NARS2: variants seen among roughly 807,000 people sequenced by gnomAD.
NARS2 encodes the protein asparaginyl-tRNA synthetase 2, mitochondrial.
NARS2 carries 60 observed loss-of-function variants against 62.9 expected under a neutral mutation model. The observed-to-expected ratio is 0.95, with a 90% confidence interval of 0.77 to 1.18. The LOEUF is 1.18. NARS2 is among the 50% of genes most tolerant of loss of function. The pLI, the probability that NARS2 is intolerant of heterozygous loss-of-function variation, is 0.00. For missense variants in NARS2, 619 were observed against 576.4 expected, an observed-to-expected ratio of 1.07 and a Z score of -0.76; for synonymous variants, 196 against 200.0, an observed-to-expected ratio of 0.98 and a Z score of 0.17.
At chr11:78,529,693 T>C (rs918469000) in intron 5 of NARS2, among the ~76,000 whole-genome samples, 10 of 152,312 alleles carry the variant, frequency 6.6e-5, no homozygotes, top group Admixed American at 2.0e-4. Context: ...AAAGTTACAC[T>C]TGTTTTTGTT....
chr11:78,566,058 G>A (rs1238446128), intron 4 of NARS2, 74 bp downstream of exon 4: 1 of 1,266,908 alleles, frequency 7.9e-7, no homozygotes, highest in Non-Finnish European at 1.1e-6. Flanking sequence ...AACATCAGGA[G>A]AAAAAGACAC....
chr11:78,506,198 T>A (rs976065380), intron 6 of NARS2, among the ~76,000 whole-genome samples: 1 of 152,182 alleles, frequency 6.6e-6, no homozygotes, highest in Non-Finnish European at 1.5e-5. Context: ...TACGACATCA[T>A]CTTTTGTCAA....
chr11:78,561,757 G>A (rs1320727207), intron 4 of NARS2, among the ~76,000 whole-genome samples: 1 of 152,156 alleles, frequency 6.6e-6, no homozygotes, highest in Non-Finnish European at 1.5e-5. Context: ...AGCAAGAACA[G>A]ATTTTAAAAT....
intron 13 of NARS2, among the ~76,000 whole-genome samples, chr11:78,440,536 AT>A (rs146475944): frequency 0.083 from 12,079 of 145,688 alleles, 605 homozygotes; most frequent in Non-Finnish European, 0.12. Flanking sequence ...ACATAATATA[AT>A]TTTTTTTTTT....
At position 78,443,310 on chromosome 11, in the gene NARS2, C is replaced by G. The variant is rs369788462; in HGVS notation, c.1262+351G>C. On this transcript the variant is annotated intron_variant, in intron 12 of 13. Coordinates refer to ENST00000281038, the MANE Select transcript of NARS2 (RefSeq NM_024678.6). ...CCACTGCACTCCAGCCTGGGCAACA[C>G]AGCAAGACTCCGTCTCAAAAAAAAA... Among the ~76,000 whole-genome samples the G allele has an allele frequency of 5.3e-3, 706 of 133,574 alleles. 3 individuals are homozygous for G. Among genetic ancestry groups the G allele is most frequent in the African/African-American group, 0.02 (682 of 33,566 alleles). The allele number at this position is 133,574 out of a possible 152,430, so 87.6% of individuals were successfully genotyped here. A position where few individuals can be genotyped will look rare whatever the true frequency, so the allele number is the denominator to read the frequency against.
intron 4 of NARS2, among the ~76,000 whole-genome samples, chr11:78,561,887 C>G (rs1856568511): frequency 6.6e-6 from 1 of 151,964 alleles, no homozygotes; most frequent in Non-Finnish European, 1.5e-5. Flanking sequence ...TGGTAAAACC[C>G]AGTTTCTACT....
At chr11:78,540,882 CT>C (rs577163746) in intron 5 of NARS2, among the ~76,000 whole-genome samples, 1 of 152,214 alleles carries the variant, frequency 6.6e-6, no homozygotes, top group Non-Finnish European at 1.5e-5. Context: ...TTAGATAAAA[CT>C]TTAATTTTTT....
chr11:78,482,639 T>C (rs1279738341), intron 7 of NARS2, among the ~76,000 whole-genome samples: 1 of 152,162 alleles, frequency 6.6e-6, no homozygotes, highest in African/African-American at 2.4e-5. Flanking sequence ...CGAGAAAATC[T>C]AGAAGAAATG....
intron 6 of NARS2, among the ~76,000 whole-genome samples, chr11:78,517,185 G>C (rs994121947): frequency 6.6e-6 from 1 of 152,206 alleles, no homozygotes; most frequent in Non-Finnish European, 1.5e-5. Context: ...AAGCAAATGA[G>C]TGAAAGGATT....
intron 11 of NARS2, among the ~76,000 whole-genome samples, chr11:78,446,676 A>G (rs752672714): frequency 1.3e-4 from 20 of 152,278 alleles, no homozygotes; most frequent in Middle Eastern, 6.8e-3. Context: ...ATCCTTGTTT[A>G]GCTCTAAAAT....
intron 6 of NARS2, among the ~76,000 whole-genome samples, chr11:78,504,993 G>A (rs1446428559): frequency 6.6e-6 from 1 of 151,652 alleles, no homozygotes; most frequent in African/African-American, 2.4e-5. Context: ...TAAAATACAC[G>A]GAAATGTTTC....
intron 11 of NARS2, among the ~76,000 whole-genome samples, chr11:78,456,740 T>A (rs908319669): frequency 3.4e-4 from 51 of 152,204 alleles, no homozygotes; most frequent in Non-Finnish European, 6.6e-4. Context: ...TTTTCCTAAT[T>A]ACACGTGTGT....
At chr11:78,463,737 A>C (rs948917003) in intron 11 of NARS2, among the ~76,000 whole-genome samples, 1 of 147,772 alleles carries the variant, frequency 6.8e-6, no homozygotes, top group African/African-American at 2.6e-5. Context: ...AAAAAAAAAA[A>C]CCACAGGACA....
In NARS2 at chr11:78,446,132, T is replaced by G. The variant is rs1038847193; in HGVS notation, c.1165-2374A>C. Among the ~76,000 whole-genome samples the G allele has an allele frequency of 5.9e-5, 9 of 152,288 alleles. 1 individual carries two copies. The highest frequency in any genetic ancestry group is 5.9e-4 in the Admixed American group (9 of 15,288). The stretch of plus-strand genomic sequence containing the variant: ...ACATTTTAATCTTTAAATGTCACAT[T>G]ACATTATAAACATTTTAAAAACTTT... On this transcript the variant is annotated intron_variant, in intron 11 of 13. Transcript: ENST00000281038.
At chr11:78,446,503 C>T (rs1012152170) in intron 11 of NARS2, among the ~76,000 whole-genome samples, 8 of 152,138 alleles carry the variant, frequency 5.3e-5, no homozygotes, top group African/African-American at 1.4e-4. Context: ...AGTTGAGAGA[C>T]ACATGGTAAA....
intron 9 of NARS2, among the ~76,000 whole-genome samples, chr11:78,472,696 C>T (rs1014404005): frequency 6.6e-6 from 1 of 152,200 alleles, no homozygotes; most frequent in Non-Finnish European, 1.5e-5. Context: ...ACAGTGCAGT[C>T]TGCATAAAGG....
chr11:78,567,103 G>C (rs1300767747), intron 3 of NARS2, among the ~76,000 whole-genome samples: 4 of 152,140 alleles, frequency 2.6e-5, no homozygotes, highest in Non-Finnish European at 5.9e-5. Context: ...AAATGATACT[G>C]AATCAGAGGG....
chr11:78,563,176 C>T (rs1045837776), intron 4 of NARS2, among the ~76,000 whole-genome samples: 28 of 150,566 alleles, frequency 1.9e-4, no homozygotes, highest in Non-Finnish European at 3.7e-4. Context: ...TACTCTATCA[C>T]GAATGGTGCT....
At chr11:78,472,122 C>G (rs1858904315) in intron 9 of NARS2, among the ~76,000 whole-genome samples, 1 of 152,164 alleles carries the variant, frequency 6.6e-6, no homozygotes, top group Admixed American at 6.5e-5. Context: ...CTCCCCAATA[C>G]CTTCATTAGA....
Sources: gnomAD v4.1 joint callset for allele counts (sites outside exome capture counted in the v4.1 genomes callset) on GRCh38, gnomAD v4.1.1 for gene constraint, MANE v1.5 for transcripts, NCBI Gene and HGNC (gene_info 2026-07-23, HGNC 2026-07-21) for gene names.